MAML3: variants seen among roughly 807,000 people sequenced by gnomAD.
MAML3 encodes the protein mastermind like transcriptional coactivator 3.
MAML3 carries 27 observed loss-of-function variants against 101.9 expected under a neutral mutation model. The ratio of observed to expected loss-of-function variants is 0.27; its 90% CI spans 0.20 to 0.37. MAML3 has a LOEUF of 0.37. Ranked by LOEUF, MAML3 falls within the 10% of genes least tolerant of loss-of-function variation. MAML3 has a pLI of 1.00. For missense variants in MAML3, 1,316 were observed against 1,444.9 expected (o/e 0.91, Z 1.45); for synonymous variants, 501 against 555.9 (o/e 0.90, Z 1.39).
intron 1 of MAML3, among the ~76,000 whole-genome samples, chr4:140,008,682 T>C (rs537191504): frequency 6.6e-6 from 1 of 152,230 alleles, no homozygotes; most frequent in Non-Finnish European, 1.5e-5. Context: ...AATCTCAATG[T>C]GTCTTACTCC....
chr4:140,043,725 T>C (rs1727130046), intron 1 of MAML3, among the ~76,000 whole-genome samples: 1 of 152,214 alleles, frequency 6.6e-6, no homozygotes, highest in Non-Finnish European at 1.5e-5. Flanking sequence ...ATTCAGCTCT[T>C]GGGACTATTC....
At chr4:139,787,583 GA>G (rs1351361515) in intron 2 of MAML3, among the ~76,000 whole-genome samples, 1 of 152,148 alleles carries the variant, frequency 6.6e-6, no homozygotes, top group Admixed American at 6.5e-5. Flanking sequence ...ACTGGACACA[GA>G]ATAGCACTAA....
In MAML3 at chr4:140,154,130, T is replaced by G. The variant is rs868585487; in HGVS notation, c.-803A>C. ...GCTCGCCGCCGCCGCCGCCGCCGCC[T>G]CCTCCTCCTCCTCTCGCTCCTCCAC... On this transcript the variant is annotated 5_prime_UTR_variant, in exon 1 of 5. Coordinates refer to ENST00000509479, the MANE Select transcript of MAML3 (RefSeq NM_018717.5). The G allele has an allele frequency of 2.2e-3, 357 of 160,010 alleles. No individual in the cohort carries two copies. Among genetic ancestry groups the G allele is most frequent in the African/African-American group, 5.7e-3 (221 of 38,976 alleles). The allele number at this position is 160,010 out of a possible 1,614,324, so 9.9% of individuals were successfully genotyped here.
chr4:139,819,122 G>C (rs1420825148), intron 2 of MAML3, among the ~76,000 whole-genome samples: 3 of 152,190 alleles, frequency 2.0e-5, no homozygotes, highest in African/African-American at 7.2e-5. Flanking sequence ...AAAACCTACA[G>C]GTATGGAAAA....
intron 1 of MAML3, among the ~76,000 whole-genome samples, chr4:139,901,968 C>T (rs1732730110): frequency 6.6e-6 from 1 of 152,302 alleles, no homozygotes; most frequent in Middle Eastern, 3.4e-3. Flanking sequence ...TAGCAGGATG[C>T]GAACAGCCAG....
Position 139,735,743 on chromosome 4 carries a change from C to T in MAML3, c.2080-5076G>A, listed in dbSNP as rs1471041767. Among the ~76,000 whole-genome samples the T allele has an allele frequency of 1.3e-5, 2 of 152,214 alleles. No individual in the cohort carries two copies. Among genetic ancestry groups the T allele is most frequent in the Admixed American group, 6.5e-5 (1 of 15,288 alleles). On this transcript the variant is annotated intron_variant, in intron 2 of 4. Transcript: ENST00000509479. The surrounding 1 kb of genome is among the most constrained non-coding windows in gnomAD (Gnocchi z 5.8). ...ATGCTTACAAGTCCTCAGGGGACTC[C>T]GGCTAGGAAGTCAGGAGTGGGGCCC...
At chr4:139,996,843 G>A (rs979531870) in intron 1 of MAML3, among the ~76,000 whole-genome samples, 6 of 151,726 alleles carry the variant, frequency 4.0e-5, no homozygotes, top group Non-Finnish European at 5.9e-5. Flanking sequence ...GGCGGATCAC[G>A]AGGTCACAAA....
chr4:140,143,696 G>A (rs1389469435), intron 1 of MAML3, among the ~76,000 whole-genome samples: 1 of 152,194 alleles, frequency 6.6e-6, no homozygotes, highest in East Asian at 1.9e-4. Flanking sequence ...AGGAGGTGGA[G>A]GTTGCAGTGA....
intron 2 of MAML3, among the ~76,000 whole-genome samples, chr4:139,761,251 C>T (rs1271797695): frequency 6.6e-6 from 1 of 152,184 alleles, no homozygotes; most frequent in Non-Finnish European, 1.5e-5. Context: ...TGAGCCGCTA[C>T]ACCCGGCCCT....
chr4:139,743,745 T>G (rs1272483094), intron 2 of MAML3, among the ~76,000 whole-genome samples: 1 of 152,210 alleles, frequency 6.6e-6, no homozygotes, highest in Non-Finnish European at 1.5e-5. Context: ...TTACTTTCTA[T>G]AGAAAGCCTT....
In MAML3 at chr4:140,153,438, C is replaced by A; in HGVS notation, c.-111G>T. On this transcript the variant is annotated 5_prime_UTR_variant, in exon 1 of 5. Transcript: ENST00000509479. ...GTTTAAGTGGAACGCGGGGGAGACG[C>A]AAGCACATGGATGGAAACGGCGATC... The A allele has an allele frequency of 1.7e-6, 2 of 1,202,972 alleles. No individual in the cohort carries two copies. Among genetic ancestry groups the A allele is most frequent in the Non-Finnish European group, 2.1e-6 (2 of 930,596 alleles). The allele number at this position is 1,202,972 out of a possible 1,614,324, so 74.5% of individuals were successfully genotyped here.
intron 1 of MAML3, among the ~76,000 whole-genome samples, chr4:140,110,143 T>C (rs1728417251): frequency 6.6e-6 from 1 of 152,200 alleles, no homozygotes; most frequent in African/African-American, 2.4e-5. Flanking sequence ...TGAACAACTC[T>C]AGTTCAGCGA....
intron 2 of MAML3, among the ~76,000 whole-genome samples, chr4:139,780,271 G>A (rs1730174591): frequency 6.6e-6 from 1 of 152,172 alleles, no homozygotes; most frequent in African/African-American, 2.4e-5. Context: ...ATTGGTGCCA[G>A]GAGGCCCTTC....
At chr4:139,988,493 A>T (rs535591233) in intron 1 of MAML3, among the ~76,000 whole-genome samples, 1 of 152,266 alleles carries the variant, frequency 6.6e-6, no homozygotes, top group African/African-American at 2.4e-5. Context: ...GGGTTTTAAC[A>T]GTTTTTCCAG....
intron 1 of MAML3, among the ~76,000 whole-genome samples, chr4:140,109,649 T>C (rs559725411): frequency 1.3e-5 from 2 of 152,356 alleles, no homozygotes; most frequent in Admixed American, 6.5e-5. Context: ...CTAGAGCTTA[T>C]AACAGAAAGC....
intron 1 of MAML3, among the ~76,000 whole-genome samples, chr4:139,962,036 T>C (rs1158101220): frequency 1.3e-5 from 2 of 151,902 alleles, no homozygotes; most frequent in Non-Finnish European, 2.9e-5. Flanking sequence ...GGTGGGAGGA[T>C]TGCTTGAGCC....
intron 2 of MAML3, among the ~76,000 whole-genome samples, chr4:139,733,343 C>T (rs1480578434): frequency 1.3e-5 from 2 of 152,094 alleles, no homozygotes; most frequent in Non-Finnish European, 2.9e-5. Context: ...TCTGGGATGG[C>T]CCTGTTTATC....
chr4:139,982,999 C>T (rs1217901036), intron 1 of MAML3, among the ~76,000 whole-genome samples: 6 of 152,344 alleles, frequency 3.9e-5, no homozygotes, highest in Non-Finnish European at 5.9e-5. Context: ...TTACTTAGGT[C>T]GGCACCTTTA....
chr4:139,785,469 C>G lies in MAML3; in HGVS notation c.2080-54802G>C, dbSNP rs374444027. 6.6e-6 allele frequency among the ~76,000 whole-genome samples: 1 copy of G among 152,154 alleles called. No homozygotes were observed. The highest frequency in any genetic ancestry group is 2.4e-5 in the African/African-American group (1 of 41,412). On this transcript the variant is annotated intron_variant, in intron 2 of 4. Transcript: ENST00000509479. The surrounding 1 kb of genome is among the most constrained non-coding windows in gnomAD (Gnocchi z 4.3). ...CTTGATGAGTGAATTGGGCAGTAAA[C>G]ACAGCTCTTTATTTTTGTACGGAAT...
Sources: gnomAD v4.1 joint callset for allele counts (sites outside exome capture counted in the v4.1 genomes callset) on GRCh38, gnomAD v4.1.1 for gene constraint, Gnocchi (gnomAD v3.1) non-coding constraint, MANE v1.5 for transcripts, NCBI Gene and HGNC (gene_info 2026-07-23, HGNC 2026-07-21) for gene names.